Variants in PPP1R21 observed in about 807,000 individuals in gnomAD.
PPP1R21 encodes the protein KLRAQ motif containing 1.
PPP1R21 carries 85 observed loss-of-function variants against 112.8 expected under a neutral mutation model. The ratio of observed to expected loss-of-function variants is 0.75; its 90% CI spans 0.63 to 0.90. The LOEUF (loss-of-function observed/expected upper bound fraction) is 0.90, where lower values mean the gene tolerates loss of function less well. Ranked by LOEUF, PPP1R21 falls within the 40% of genes least tolerant of loss-of-function variation. The pLI, the probability that PPP1R21 is intolerant of heterozygous loss-of-function variation, is 0.00. For missense variants in PPP1R21, 1,199 were observed against 901.5 expected (o/e 1.33, Z -4.23); for synonymous variants, 381 against 322.3 (o/e 1.18, Z -1.95).
rs1329285329 is a variant in PPP1R21 at position 48,469,449 on chromosome 2, GAGCATATATATATAT to G, written c.898-1635_898-1621del. Among the ~76,000 whole-genome samples, 5 of 92,292 alleles carry G rather than the reference GAGCATATATATATAT, an allele frequency of 5.4e-5. No homozygotes were observed. The South Asian group carries it at 9.5e-4, about 17-fold the overall frequency. The allele number at this position is 92,292 out of a possible 152,430, so 60.5% of individuals were successfully genotyped here. On this transcript the variant is annotated intron_variant, in intron 9 of 21. Transcript: ENST00000294952. ...TATAGAGCATATATATATATAGAGA[GAGCATATATATATAT>G]AGAGCATATATATATATATAGAGCA...
intron 13 of PPP1R21, among the ~76,000 whole-genome samples, 164 bp downstream of exon 13, chr2:48,480,180 C>T (rs1277768561): frequency 1.3e-5 from 2 of 152,176 alleles, no homozygotes; most frequent in Non-Finnish European, 2.9e-5. Context: ...CTGCTTTTCC[C>T]ATCTGTTTTA....
chr2:48,475,929 A>C (rs148419972), intron 12 of PPP1R21, among the ~76,000 whole-genome samples: 2 of 152,094 alleles, frequency 1.3e-5, no homozygotes, highest in Non-Finnish European at 2.9e-5. Context: ...TTCTGGTACT[A>C]TGGTTTTTTT....
intron 16 of PPP1R21, among the ~76,000 whole-genome samples, chr2:48,497,308 G>T (rs947559993): frequency 6.6e-6 from 1 of 152,178 alleles, no homozygotes; most frequent in Non-Finnish European, 1.5e-5. Flanking sequence ...TGTATTGATT[G>T]TTAAAGTGTG....
intron 1 of PPP1R21, among the ~76,000 whole-genome samples, chr2:48,442,005 T>G (rs1667051654): frequency 6.6e-6 from 1 of 152,224 alleles, no homozygotes; most frequent in African/African-American, 2.4e-5. Flanking sequence ...ACATACACAC[T>G]TAATTCTTCA....
chr2:48,483,195 C>T (rs917218585), intron 13 of PPP1R21, among the ~76,000 whole-genome samples: 42 of 80,922 alleles, frequency 5.2e-4, no homozygotes, highest in East Asian at 2.5e-3. Context: ...CTTTTTTTTC[C>T]TTTTTTTTTT....
Position 48,485,439 on chromosome 2 carries a change from G to T in PPP1R21, c.1319-1192G>T, listed in dbSNP as rs1021158840. Reference sequence around the variant, plus strand: ...GTAATAGTAATTTGCCAATTGGTTGGTTCCTTTTCTGTGACAACTGTACCA... The same window carrying T: ...GTAATAGTAATTTGCCAATTGGTTGTTTCCTTTTCTGTGACAACTGTACCA... On this transcript the variant is annotated intron_variant, in intron 13 of 21. Coordinates refer to ENST00000294952, the MANE Select transcript of PPP1R21 (RefSeq NM_001135629.3). Among the ~76,000 whole-genome samples the T allele has an allele frequency of 5.3e-5, 8 of 152,034 alleles. No individual in the cohort carries two copies. In the South Asian group the frequency reaches 1.4e-3, roughly 28 times the overall value.
chr2:48,487,179 A>T (rs1669339218), intron 14 of PPP1R21, among the ~76,000 whole-genome samples: 2 of 152,208 alleles, frequency 1.3e-5, no homozygotes, highest in African/African-American at 4.8e-5. Flanking sequence ...CGTTGTGTAT[A>T]TGAAGGGTCT....
intron 2 of PPP1R21, among the ~76,000 whole-genome samples, chr2:48,451,530 G>A (rs1374889365): frequency 1.3e-5 from 2 of 152,118 alleles, no homozygotes; most frequent in East Asian, 1.9e-4. Flanking sequence ...TTATTTAATA[G>A]TAATAACCTG....
At chr2:48,514,234 C>T (rs897580010) in intron 21 of PPP1R21, among the ~76,000 whole-genome samples, 2 of 151,858 alleles carry the variant, frequency 1.3e-5, no homozygotes, top group African/African-American at 4.8e-5. Context: ...TACAGGCACC[C>T]GCCACCATGC....
intron 12 of PPP1R21, among the ~76,000 whole-genome samples, chr2:48,477,116 A>ATTTTTTTT (rs779139882): frequency 8.7e-6 from 1 of 114,768 alleles, no homozygotes; most frequent in Non-Finnish European, 1.8e-5. Context: ...TTTTGAATTA[A>ATTTTTTTT]TTTTTTTTTT....
At chr2:48,491,398 C>T (rs1669557673) in intron 15 of PPP1R21, among the ~76,000 whole-genome samples, 1 of 151,904 alleles carries the variant, frequency 6.6e-6, no homozygotes, top group Non-Finnish European at 1.5e-5. Context: ...GACTCATGTC[C>T]CAAGTGCCTG....
At chr2:48,496,688 G>A (rs1289668634) in intron 16 of PPP1R21, among the ~76,000 whole-genome samples, 1 of 152,196 alleles carries the variant, frequency 6.6e-6, no homozygotes, top group South Asian at 2.1e-4. Flanking sequence ...GGCTGGTCTT[G>A]AACTCCTGAC....
At chr2:48,472,542 C>T (rs969726929) in intron 11 of PPP1R21, among the ~76,000 whole-genome samples, 7 of 151,812 alleles carry the variant, frequency 4.6e-5, no homozygotes, top group African/African-American at 1.7e-4. Flanking sequence ...AGGAGAATCA[C>T]TTGAACCTGG....
intron 14 of PPP1R21, among the ~76,000 whole-genome samples, chr2:48,486,997 C>T (rs910487755): frequency 2.7e-4 from 41 of 152,296 alleles, no homozygotes; most frequent in Admixed American, 2.4e-3. Flanking sequence ...GGGGAGTCTC[C>T]TGGGTGGCGG....
chr2:48,474,729 G>C lies in PPP1R21; in HGVS notation c.1135G>C (p.Ala379Pro), dbSNP rs1164778910. 6.2e-7 allele frequency: 1 copy of C among 1,613,302 alleles called. No individual in the cohort carries two copies. The highest frequency in any genetic ancestry group is 1.3e-5 in the African/African-American group (1 of 74,882). The change falls in exon 12 of 22, where the codon GCC (alanine) becomes CCC (proline). Residue 379 changes from alanine (A) to proline (P), a missense_variant. By Grantham distance (27) the Ala-to-Pro change is conservative. Transcript: ENST00000294952. ...ESSLCTSALR[A>P]RNLELSQDMK... Reference sequence around the variant, plus strand: ...CTCTCTTTGCACATCTGCGTTAAGAGCCAGGAATCTAGAGCTGTCCCAGGA... The same window carrying C: ...CTCTCTTTGCACATCTGCGTTAAGACCCAGGAATCTAGAGCTGTCCCAGGA...
intron 2 of PPP1R21, among the ~76,000 whole-genome samples, chr2:48,453,819 G>C (rs1044449158): frequency 6.6e-6 from 1 of 152,204 alleles, no homozygotes; most frequent in Non-Finnish European, 1.5e-5. Context: ...TGTCAGAATA[G>C]TTGAAGAACA....
intron 19 of PPP1R21, among the ~76,000 whole-genome samples, chr2:48,507,789 G>A (rs987013957): frequency 2.4e-5 from 2 of 84,630 alleles, no homozygotes; most frequent in Non-Finnish European, 4.3e-5. Context: ...TTTTTGAGGT[G>A]GAGTCTTGCT....
intron 3 of PPP1R21, 63 bp from the exon 4 acceptor site, chr2:48,458,063 G>A: frequency 9.7e-7 from 1 of 1,035,136 alleles, no homozygotes. Context: ...GAGAATCTGT[G>A]TACCTTAGGA....
intron 11 of PPP1R21, among the ~76,000 whole-genome samples, chr2:48,472,978 C>G (rs536227231): frequency 1.1e-4 from 16 of 146,438 alleles, no homozygotes; most frequent in African/African-American, 3.8e-4. Context: ...ATTATATCAG[C>G]CTGGGTGATA....
Sources: gnomAD v4.1 joint callset for allele counts (sites outside exome capture counted in the v4.1 genomes callset) on GRCh38, gnomAD v4.1.1 for gene constraint, MANE v1.5 for transcripts, NCBI Gene and HGNC (gene_info 2026-07-23, HGNC 2026-07-21) for gene names.